Variants in GPR137C observed in about 807,000 individuals in gnomAD.
GPR137C encodes integral membrane protein GPR137C.
A neutral mutation model predicts 43.4 loss-of-function variants in GPR137C; 27 were observed. The ratio of observed to expected loss-of-function variants is 0.62; its 90% CI spans 0.46 to 0.86. The LOEUF (loss-of-function observed/expected upper bound fraction) is 0.86. GPR137C is among the 40% of genes least tolerant of loss of function. The probability of loss-of-function intolerance (pLI) is 0.00; values close to 1 mark genes in which losing one functional copy is unlikely to be tolerated. For missense variants in GPR137C, 522 were observed against 534.6 expected, an observed-to-expected ratio of 0.98 and a Z score of 0.23; for synonymous variants, 285 against 226.9, an observed-to-expected ratio of 1.26 and a Z score of -2.30.
At chr14:52,569,119 C>T (rs984391241) in intron 1 of GPR137C, among the ~76,000 whole-genome samples, 1 of 152,238 alleles carries the variant, frequency 6.6e-6, no homozygotes. Context: ...GCAATCTTTG[C>T]TGTTTGGCAG....
rs769297301 is a variant in GPR137C at position 52,600,167 on chromosome 14, C to T, written c.543C>T (p.Asn181=). 1 of 1,613,880 alleles carries T rather than the reference C, an allele frequency of 6.2e-7. No individual in the cohort carries two copies. Among genetic ancestry groups the T allele is most frequent in the Non-Finnish European group, 8.5e-7 (1 of 1,179,846 alleles). Residue 181 remains asparagine (N), a synonymous_variant, in exon 3 of 7, where the codon AAC becomes AAT. Transcript: ENST00000321662. ...CAAGCCTGCTCTTTTTAGTGGTGAA[C>T]TTGACTTGCGCAATGCTAGTTCATG... ...IMASLLFLVV[N]LTCAMLVHGD...
intron 3 of GPR137C, among the ~76,000 whole-genome samples, chr14:52,607,976 C>T (rs1280575557): frequency 6.6e-6 from 1 of 151,946 alleles, no homozygotes; most frequent in Non-Finnish European, 1.5e-5. Context: ...CTTTTTCCAT[C>T]CCCTCACTTT....
At chr14:52,624,492 G>A (rs1390845483) in intron 3 of GPR137C, among the ~76,000 whole-genome samples, 1 of 152,018 alleles carries the variant, frequency 6.6e-6, no homozygotes, top group Non-Finnish European at 1.5e-5. Flanking sequence ...GGGAGGCTGA[G>A]GCAGACAGAC....
chr14:52,606,841 T>C (rs1264491352), intron 3 of GPR137C, among the ~76,000 whole-genome samples: 1 of 152,194 alleles, frequency 6.6e-6, no homozygotes, highest in African/African-American at 2.4e-5. Context: ...ATTTTGGCTT[T>C]GGCTTGCTCT....
chr14:52,607,227 A>C (rs1014776443), intron 3 of GPR137C, among the ~76,000 whole-genome samples: 1 of 152,180 alleles, frequency 6.6e-6, no homozygotes, highest in African/African-American at 2.4e-5. Flanking sequence ...ATTCTGGAGA[A>C]TGTTTTAGGT....
At chr14:52,560,875 T>C (rs1230541043) in intron 1 of GPR137C, among the ~76,000 whole-genome samples, 1 of 152,130 alleles carries the variant, frequency 6.6e-6, no homozygotes, top group Non-Finnish European at 1.5e-5. Context: ...AAATGAGACT[T>C]TATCAAAATT....
intron 1 of GPR137C, among the ~76,000 whole-genome samples, chr14:52,577,183 C>CAAAAAAAAAAAAA (rs34249999): frequency 4.9e-5 from 2 of 41,172 alleles, no homozygotes; most frequent in African/African-American, 2.1e-4. Flanking sequence ...TAAGACTCCT[C>CAAAAAAAAAAAAA]AAAAAAAAAA....
At chr14:52,624,736 AACTG>A (rs1210773916) in intron 3 of GPR137C, among the ~76,000 whole-genome samples, 1 of 151,698 alleles carries the variant, frequency 6.6e-6, no homozygotes, top group African/African-American at 2.4e-5. Flanking sequence ...AAAAAAAAAA[AACTG>A]AAATAATAAA....
chr14:52,599,424 T>A (rs536193250), intron 2 of GPR137C, among the ~76,000 whole-genome samples: 139 of 148,474 alleles, frequency 9.4e-4, no homozygotes, highest in Non-Finnish European at 1.7e-3. Flanking sequence ...CTCTTAAAAA[T>A]TTTTTTTTCC....
At chr14:52,559,980 G>A (rs2038255671) in intron 1 of GPR137C, among the ~76,000 whole-genome samples, 1 of 151,958 alleles carries the variant, frequency 6.6e-6, no homozygotes, top group Non-Finnish European at 1.5e-5. Flanking sequence ...GGGCAACATA[G>A]ACCTCATCTC....
intron 1 of GPR137C, among the ~76,000 whole-genome samples, chr14:52,556,298 A>G (rs938025781): frequency 6.6e-6 from 1 of 152,152 alleles, no homozygotes; most frequent in Non-Finnish European, 1.5e-5. Flanking sequence ...CAGTATAAAA[A>G]GTAAAACAAA....
chr14:52,615,333 A>T (rs144328019), intron 3 of GPR137C, among the ~76,000 whole-genome samples: 4 of 152,164 alleles, frequency 2.6e-5, no homozygotes, highest in African/African-American at 9.7e-5. Flanking sequence ...TTATGTCAGT[A>T]TCATGCTGTT....
intron 3 of GPR137C, among the ~76,000 whole-genome samples, chr14:52,629,810 A>G (rs1001369835): frequency 6.6e-6 from 1 of 152,190 alleles, no homozygotes; most frequent in Non-Finnish European, 1.5e-5. Flanking sequence ...AGGTGTCTGC[A>G]TATCTGCGTT....
rs138485276 is a variant in GPR137C at position 52,594,788 on chromosome 14, C to A, written c.445-3484C>A. Among the ~76,000 whole-genome samples, 618 of 152,218 alleles carry A rather than the reference C, an allele frequency of 4.1e-3. 1 individual carries two copies. The highest frequency in any genetic ancestry group is 6.6e-3 in the Non-Finnish European group (451 of 68,016). On this transcript the variant is annotated intron_variant, in intron 1 of 6. Coordinates refer to ENST00000321662, the MANE Select transcript of GPR137C (RefSeq NM_001099652.2). ...CTTTATCCAGTTTGCCAGTCTGTGT[C>A]TTTTAACTGGGGGCATTTAGCCCAT...
At chr14:52,576,900 T>C (rs1416250576) in intron 1 of GPR137C, among the ~76,000 whole-genome samples, 2 of 152,076 alleles carry the variant, frequency 1.3e-5, no homozygotes, top group Non-Finnish European at 2.9e-5. Context: ...CTCAATACTA[T>C]GTAAATAGGC....
At chr14:52,629,653 AC>A (rs2139580562) in intron 3 of GPR137C, among the ~76,000 whole-genome samples, 1 of 152,256 alleles carries the variant, frequency 6.6e-6, no homozygotes, top group East Asian at 1.9e-4. Flanking sequence ...AGTTGTAAAA[AC>A]CAAAGCAGGG....
intron 1 of GPR137C, among the ~76,000 whole-genome samples, chr14:52,584,965 A>G (rs2139492643): frequency 6.6e-6 from 1 of 152,216 alleles, no homozygotes; most frequent in East Asian, 1.9e-4. Context: ...TATATCCACT[A>G]TCAACTGCTC....
At chr14:52,590,055 G>C (rs2038762288) in intron 1 of GPR137C, among the ~76,000 whole-genome samples, 1 of 152,136 alleles carries the variant, frequency 6.6e-6, no homozygotes, top group African/African-American at 2.4e-5. Flanking sequence ...AGAAGGCACT[G>C]TTATCATAGG....
At position 52,598,264 on chromosome 14, in the gene GPR137C, C is replaced by A; in HGVS notation, c.445-8C>A. The A allele has an allele frequency of 7.8e-7, 1 of 1,281,038 alleles. No homozygotes were observed. Among genetic ancestry groups the A allele is most frequent in the Non-Finnish European group, 1.1e-6 (1 of 930,004 alleles). 79.4% of individuals were successfully genotyped at this position (1,281,038 alleles called of 1,614,324 possible). A position where few individuals can be genotyped will look rare whatever the true frequency, so the allele number is the denominator to read the frequency against. On this transcript the variant is annotated splice_region_variant and splice_polypyrimidine_tract_variant and intron_variant, in intron 1 of 6. Coordinates refer to ENST00000321662, the MANE Select transcript of GPR137C (RefSeq NM_001099652.2). ...TTTCAAAATTTTTTTTTTATATTCT[C>A]TTTATAGGTTATATGTAAAGTCAGA...
Sources: gnomAD v4.1 joint callset for allele counts (sites outside exome capture counted in the v4.1 genomes callset) on GRCh38, gnomAD v4.1.1 for gene constraint, MANE v1.5 for transcripts, NCBI Gene and HGNC (gene_info 2026-07-23, HGNC 2026-07-21) for gene names.